PRR15L: variants seen among roughly 807,000 people sequenced by gnomAD.
The protein encoded by PRR15L is proline-rich protein 15-like protein.
PRR15L carries 1 observed loss-of-function variant against 3.7 expected under a neutral mutation model. That is an observed-to-expected ratio of 0.27 (90% confidence interval 0.09 to 1.27). PRR15L has a LOEUF of 1.27. Ranked by LOEUF, PRR15L falls within the 50% of genes most tolerant of loss-of-function variation. The probability of loss-of-function intolerance (pLI) is 0.47; values close to 1 mark genes in which losing one functional copy is unlikely to be tolerated. For synonymous variants in PRR15L, 57 were observed against 51.9 expected, an observed-to-expected ratio of 1.10 and a Z score of -0.42; for missense variants, 127 against 128.7, an observed-to-expected ratio of 0.99 and a Z score of 0.06.
At chr17:47,953,551 C>T (rs997579544) in intron 1 of PRR15L, among the ~76,000 whole-genome samples, 10 of 151,114 alleles carry the variant, frequency 6.6e-5, no homozygotes, top group Non-Finnish European at 1.0e-4. Flanking sequence ...CCCAGCTACT[C>T]GGGTGGCTGA....
chr17:47,956,752 C>A (rs1465561398), intron 1 of PRR15L, among the ~76,000 whole-genome samples: 10 of 152,256 alleles, frequency 6.6e-5, no homozygotes, highest in African/African-American at 2.4e-4. Flanking sequence ...GATATCCAAA[C>A]TTCCCAGTTT....
Position 47,953,052 on chromosome 17 carries a change from C to T in PRR15L, c.183G>A (p.Lys61=). Reference sequence around the variant, plus strand: ...CCTTGACGTGCTTGCCCTTTGTGCTCTTGTCCACAATCTTCTCCAGGCGGG... The same window carrying T: ...CCTTGACGTGCTTGCCCTTTGTGCTTTTGTCCACAATCTTCTCCAGGCGGG... The part of the protein sequence containing the change: ...FNTRLEKIVD[K]STKGKHVKVS... The change falls in exon 2 of 2, where the codon AAG becomes AAA. Residue 61 remains lysine, a synonymous_variant. Coordinates refer to ENST00000300557, the MANE Select transcript of PRR15L (RefSeq NM_024320.4). The T allele has an allele frequency of 6.2e-7, 1 of 1,614,190 alleles. No individual in the cohort carries two copies. Among genetic ancestry groups the T allele is most frequent in the Non-Finnish European group, 8.5e-7 (1 of 1,180,036 alleles).
Position 47,951,985 on chromosome 17 carries a change from C to T in PRR15L, c.*938G>A, listed in dbSNP as rs2036070508. 3.9e-5 allele frequency: 6 copies of T among 152,186 alleles called. No homozygotes were observed. The highest frequency in any genetic ancestry group is 3.9e-4 in the Admixed American group (6 of 15,280). 9.4% of individuals were successfully genotyped at this position (152,186 alleles called of 1,614,324 possible). ...GGAACAGTTTGAGCACAAAGGTCCA[C>T]TTTACTTACATGAAGGAACATAAAG... is the stretch of plus-strand genomic sequence containing the variant. On this transcript the variant is annotated 3_prime_UTR_variant, in exon 2 of 2. Transcript: ENST00000300557.
At position 47,952,964 on chromosome 17, in the gene PRR15L, T is replaced by G; in HGVS notation, c.271A>C (p.Asn91His). ...CCTTCCTCGTGATCATCAAAGAGGT[T>G]AGGGTTCTCTGCCAGCGTGGCTCTC... ...KVRATLAENPNLFDDHEEGRS... is the reference protein window; with the variant it reads ...KVRATLAENPHLFDDHEEGRS... Residue 91 changes from asparagine (N) to histidine (H), a missense_variant, in exon 2 of 2, where the codon AAC (asparagine) becomes CAC (histidine). Transcript: ENST00000300557. 1 of 1,614,148 alleles carries G rather than the reference T, an allele frequency of 6.2e-7. No homozygotes were observed. Among genetic ancestry groups the G allele is most frequent in the South Asian group, 1.1e-5 (1 of 91,084 alleles).
chr17:47,955,837 C>T (rs1490024776), intron 1 of PRR15L, among the ~76,000 whole-genome samples: 1 of 152,174 alleles, frequency 6.6e-6, no homozygotes, highest in East Asian at 1.9e-4. Flanking sequence ...GGCCCACAGC[C>T]CCACCACTGC....
chr17:47,955,410 C>T (rs990248117), intron 1 of PRR15L, among the ~76,000 whole-genome samples: 4 of 152,070 alleles, frequency 2.6e-5, no homozygotes, highest in African/African-American at 9.7e-5. Context: ...GCATCCATAC[C>T]CCTCGTGCTC....
Position 47,952,817 on chromosome 17 carries a change from G to T in PRR15L, c.*106C>A. ...CATTTCCTGCCAGCAGGTATCAACT[G>T]GCCCCACAGCTTCAGCTATGGCCAA... is the stretch of plus-strand genomic sequence containing the variant. On this transcript the variant is annotated 3_prime_UTR_variant, in exon 2 of 2. Coordinates refer to ENST00000300557, the MANE Select transcript of PRR15L (RefSeq NM_024320.4). The T allele has an allele frequency of 1.7e-6, 2 of 1,156,350 alleles. No homozygotes were observed. The highest frequency in any genetic ancestry group is 2.4e-6 in the Non-Finnish European group (2 of 830,234). The allele number at this position is 1,156,350 out of a possible 1,614,324, so 71.6% of individuals were successfully genotyped here. A position where few individuals can be genotyped will look rare whatever the true frequency, so the allele number is the denominator to read the frequency against.
rs1274213706 is a variant in PRR15L at position 47,957,685 on chromosome 17, G to A, written c.-58C>T. The A allele has an allele frequency of 6.6e-6, 1 of 152,368 alleles. No homozygotes were observed. Among genetic ancestry groups the A allele is most frequent in the Non-Finnish European group, 1.5e-5 (1 of 68,156 alleles). The allele number at this position is 152,368 out of a possible 1,614,324, so 9.4% of individuals were successfully genotyped here. ...TAATCCCGACTGCTCCAGGCTGGAGGTGAGACCTTTCCTAGAGAAGCAGTT... is the reference window on the plus strand; with the variant it reads ...TAATCCCGACTGCTCCAGGCTGGAGATGAGACCTTTCCTAGAGAAGCAGTT... On this transcript the variant is annotated 5_prime_UTR_variant, in exon 1 of 2. Coordinates refer to ENST00000300557, the MANE Select transcript of PRR15L (RefSeq NM_024320.4).
chr17:47,953,349 C>T (rs973681055), intron 1 of PRR15L, 86 bp from the exon 2 acceptor site: 2 of 792,576 alleles, frequency 2.5e-6, no homozygotes, highest in Non-Finnish European at 4.1e-6. Context: ...GACTCCTAAT[C>T]ATGGGCTGTT....
At chr17:47,953,407 C>A in intron 1 of PRR15L, 144 bp from the exon 2 acceptor site, 1 of 577,060 alleles carries the variant, frequency 1.7e-6, no homozygotes, top group Non-Finnish European at 3.0e-6. Context: ...GCCTATAATC[C>A]CGGCACTTTG....
At chr17:47,953,302 G>C in intron 1 of PRR15L, 39 bp from the exon 2 acceptor site, 1 of 1,300,350 alleles carries the variant, frequency 7.7e-7, no homozygotes. Flanking sequence ...GGGTCAGTGG[G>C]AAAAGGGGGT....
rs1404427803 is a variant in PRR15L at position 47,953,052 on chromosome 17, C to G, written c.183G>C (p.Lys61Asn). 4 of 1,614,072 alleles carry G rather than the reference C, an allele frequency of 2.5e-6. No individual in the cohort carries two copies. The highest frequency in any genetic ancestry group is 3.4e-6 in the Non-Finnish European group (4 of 1,180,044). ...FNTRLEKIVD[K>N]STKGKHVKVS... ...CCTTGACGTGCTTGCCCTTTGTGCTCTTGTCCACAATCTTCTCCAGGCGGG... is the reference window on the plus strand; with the variant it reads ...CCTTGACGTGCTTGCCCTTTGTGCTGTTGTCCACAATCTTCTCCAGGCGGG... Residue 61 changes from lysine to asparagine, a missense_variant, in exon 2 of 2, where the codon AAG becomes AAC. Transcript: ENST00000300557.
chr17:47,955,342 A>C (rs1293143600), intron 1 of PRR15L, among the ~76,000 whole-genome samples: 4 of 152,060 alleles, frequency 2.6e-5, no homozygotes, highest in Non-Finnish European at 5.9e-5. Flanking sequence ...GAGCATATCA[A>C]ATTTAGGAAA....
chr17:47,956,252 C>G (rs1156875544), intron 1 of PRR15L, among the ~76,000 whole-genome samples: 1 of 152,250 alleles, frequency 6.6e-6, no homozygotes, highest in Non-Finnish European at 1.5e-5. Flanking sequence ...TGCTTGAGGC[C>G]AGGAGTTCAA....
chr17:47,953,672 G>A (rs55886531), intron 1 of PRR15L, among the ~76,000 whole-genome samples: 2 of 140,834 alleles, frequency 1.4e-5, no homozygotes, highest in African/African-American at 2.6e-5. Flanking sequence ...AAAAAAAAAA[G>A]AAAGAAGAAG....
intron 1 of PRR15L, among the ~76,000 whole-genome samples, chr17:47,953,673 AAAGAAG>A (rs1001388726): frequency 5.4e-5 from 8 of 149,222 alleles, no homozygotes; most frequent in African/African-American, 7.4e-5. Flanking sequence ...AAAAAAAAAG[AAAGAAG>A]AAGAAGAAGA....
Position 47,952,727 on chromosome 17 carries a change from A to G in PRR15L, c.*196T>C. 1.8e-6 allele frequency: 1 copy of G among 543,596 alleles called. No homozygotes were observed. Among genetic ancestry groups the G allele is most frequent in the Non-Finnish European group, 3.2e-6 (1 of 310,264 alleles). The allele number at this position is 543,596 out of a possible 1,614,324, so 33.7% of individuals were successfully genotyped here. A position where few individuals can be genotyped will look rare whatever the true frequency, so the allele number is the denominator to read the frequency against. Reference sequence around the variant, plus strand: ...TTGTATGTGGTCAGGGGGAGGGTGGAGGACCCTGGGATCTCCCAGGCCTTA... The same window carrying G: ...TTGTATGTGGTCAGGGGGAGGGTGGGGGACCCTGGGATCTCCCAGGCCTTA... On this transcript the variant is annotated 3_prime_UTR_variant, in exon 2 of 2. Coordinates refer to ENST00000300557, the MANE Select transcript of PRR15L (RefSeq NM_024320.4).
In PRR15L at chr17:47,953,071, A is replaced by G. The variant is rs1032306794; in HGVS notation, c.164T>C (p.Leu55Pro). ...TGTGCTCTTGTCCACAATCTTCTCCAGGCGGGTGTTAAAGTCGCTGTTGGG... is the reference window on the plus strand; with the variant it reads ...TGTGCTCTTGTCCACAATCTTCTCCGGGCGGGTGTTAAAGTCGCTGTTGGG... ...GGPNSDFNTR[L>P]EKIVDKSTKG... The change falls in exon 2 of 2, where the codon CTG (leucine) becomes CCG (proline). Residue 55 changes from leucine (L) to proline (P), a missense_variant. Leu to Pro is a moderately conservative substitution (Grantham distance 98). Coordinates refer to ENST00000300557, the MANE Select transcript of PRR15L (RefSeq NM_024320.4). 1.2e-6 allele frequency: 2 copies of G among 1,613,960 alleles called. No homozygotes were observed. The highest frequency in any genetic ancestry group is 3.3e-5 in the Admixed American group (2 of 59,990).
chr17:47,956,348 T>C (rs1162790539), intron 1 of PRR15L, among the ~76,000 whole-genome samples: 2 of 152,228 alleles, frequency 1.3e-5, no homozygotes, highest in African/African-American at 2.4e-5. Flanking sequence ...GTCATATGCC[T>C]GTAGTCCCAG....
Sources: gnomAD v4.1 joint callset for allele counts (sites outside exome capture counted in the v4.1 genomes callset) on GRCh38, gnomAD v4.1.1 for gene constraint, MANE v1.5 for transcripts, NCBI Gene and HGNC (gene_info 2026-07-23, HGNC 2026-07-21) for gene names.